Variants in SLC7A1 observed in about 807,000 individuals in gnomAD.
The protein encoded by SLC7A1 is solute carrier family 7 member 1.
Under a neutral mutation model 53.9 loss-of-function variants are expected in SLC7A1, and 10 were observed. The observed-to-expected ratio is 0.19, with a 90% confidence interval of 0.11 to 0.31. The LOEUF (loss-of-function observed/expected upper bound fraction) is 0.31, where lower values mean the gene tolerates loss of function less well. Among genes scored for constraint, SLC7A1 ranks in the 10% least tolerant of loss-of-function variants. The pLI, the probability that SLC7A1 is intolerant of heterozygous loss-of-function variation, is 1.00. For missense variants in SLC7A1, 525 were observed against 827.2 expected (o/e 0.63, Z 4.48); for synonymous variants, 342 against 338.7 (o/e 1.01, Z -0.11).
rs1883407470 is a variant in SLC7A1, at chr13:29,512,015, G to A, written c.*2465C>T. The A allele has an allele frequency of 6.6e-6, 1 of 152,016 alleles. No homozygotes were observed. Among genetic ancestry groups the A allele is most frequent in the Non-Finnish European group, 1.5e-5 (1 of 68,006 alleles). The allele number at this position is 152,016 out of a possible 1,614,324, so 9.4% of individuals were successfully genotyped here. A position where few individuals can be genotyped will look rare whatever the true frequency, so the allele number is the denominator to read the frequency against. ...ATTTTTATTTCAGGGAAAGAAATGA[G>A]GGATATGATAAGAAAAAGTCTATTA... On this transcript the variant is annotated 3_prime_UTR_variant, in exon 13 of 13. Transcript: ENST00000380752.
At chr13:29,531,316 G>T (rs192999973) in intron 4 of SLC7A1, among the ~76,000 whole-genome samples, 1,605 of 149,948 alleles carry the variant, frequency 0.011, 29 homozygotes, top group African/African-American at 0.038. Flanking sequence ...GCAAACTCAC[G>T]TTTTTTTTTT....
At chr13:29,557,257 T>C (rs1216960572) in intron 1 of SLC7A1, among the ~76,000 whole-genome samples, 1 of 152,164 alleles carries the variant, frequency 6.6e-6, no homozygotes, top group African/African-American at 2.4e-5. Flanking sequence ...GTGGGGACTA[T>C]AAAAGTGTGA....
At position 29,553,760 on chromosome 13, in the gene SLC7A1, C is replaced by T. The variant is rs543034369; in HGVS notation, c.-15+1G>A. The T allele has an allele frequency of 4.6e-5, 7 of 152,232 alleles. No homozygotes were observed. Among genetic ancestry groups the T allele is most frequent in the African/African-American group, 1.4e-4 (6 of 41,520 alleles). The allele number at this position is 152,232 out of a possible 1,614,324, so 9.4% of individuals were successfully genotyped here. On this transcript the variant is annotated splice_donor_variant, in intron 2 of 12. Coordinates refer to ENST00000380752, the MANE Select transcript of SLC7A1 (RefSeq NM_003045.5). LOFTEE classifies it low-confidence loss of function (5UTR_SPLICE). ...CTGTCGTGCTGACAGGCAGACTGTA[C>T]CTGGAATATGACGGGAAGCCTCACC...
intron 1 of SLC7A1, among the ~76,000 whole-genome samples, chr13:29,565,640 G>A (rs1010171819): frequency 6.6e-6 from 1 of 152,158 alleles, no homozygotes; most frequent in African/African-American, 2.4e-5. Context: ...ATCCCTTTCT[G>A]CCATCTGCCA....
intron 1 of SLC7A1, among the ~76,000 whole-genome samples, chr13:29,566,612 C>T (rs540605064): frequency 3.3e-4 from 50 of 152,212 alleles, no homozygotes; most frequent in African/African-American, 9.6e-4. Context: ...GGCTTGGCTA[C>T]GGGTGGGGAA....
chr13:29,575,220 C>G (rs1436209217), intron 1 of SLC7A1, among the ~76,000 whole-genome samples: 1 of 152,172 alleles, frequency 6.6e-6, no homozygotes, highest in East Asian at 1.9e-4. Flanking sequence ...TTTAATCAAA[C>G]AAACACCTAA....
chr13:29,513,255 C>A lies in SLC7A1; in HGVS notation c.*1225G>T. On this transcript the variant is annotated 3_prime_UTR_variant, in exon 13 of 13. Transcript: ENST00000380752. ...GTCCGAAGCATCCGGATGACAGATA[C>A]ACAAAAGGGACAGCAATATGCCTAG... 6.6e-6 allele frequency: 1 copy of A among 152,664 alleles called. No individual in the cohort carries two copies. The highest frequency in any genetic ancestry group is 1.9e-4 in the East Asian group (1 of 5,206). 9.5% of individuals were successfully genotyped at this position (152,664 alleles called of 1,614,324 possible).
chr13:29,563,455 C>T (rs1042963620), intron 1 of SLC7A1, among the ~76,000 whole-genome samples: 18 of 152,152 alleles, frequency 1.2e-4, no homozygotes, highest in African/African-American at 3.6e-4. Context: ...TACAGGAAAG[C>T]GAAACTCTGT....
intron 11 of SLC7A1, 179 bp downstream of exon 11, chr13:29,516,965 C>T: frequency 1.9e-6 from 1 of 522,528 alleles, no homozygotes; most frequent in Non-Finnish European, 3.3e-6. Context: ...CTGCTGCCTC[C>T]TTCCAGGGTC....
chr13:29,584,067 T>C (rs1871769824), intron 1 of SLC7A1, among the ~76,000 whole-genome samples: 1 of 152,182 alleles, frequency 6.6e-6, no homozygotes, highest in South Asian at 2.1e-4. Flanking sequence ...GTTCATGAGG[T>C]TTCTTCTCAA....
In SLC7A1 at chr13:29,522,463, G is replaced by A. The variant is rs1312491710; in HGVS notation, c.1050-7C>T. 3 of 1,614,102 alleles carry A rather than the reference G, an allele frequency of 1.9e-6. No homozygotes were observed. Among genetic ancestry groups the A allele is most frequent in the Non-Finnish European group, 8.5e-7 (1 of 1,179,972 alleles). The stretch of plus-strand genomic sequence containing the variant: ...AAACATGGAACCTAGAAGACTAGAT[G>A]GGGAGAGGCAAACCGCGTGAGTGAA... On this transcript the variant is annotated splice_polypyrimidine_tract_variant and splice_region_variant and intron_variant, in intron 7 of 12. Transcript: ENST00000380752.
intron 2 of SLC7A1, among the ~76,000 whole-genome samples, chr13:29,544,417 A>G (rs1869816530): frequency 1.3e-5 from 2 of 152,240 alleles, no homozygotes; most frequent in African/African-American, 4.8e-5. Context: ...AACTAAAAAC[A>G]CCTAACATCC....
intron 2 of SLC7A1, among the ~76,000 whole-genome samples, chr13:29,553,225 G>A (rs1202269430): frequency 6.6e-6 from 1 of 152,198 alleles, no homozygotes; most frequent in Admixed American, 6.5e-5. Flanking sequence ...AAAGTTCTGG[G>A]GCAGGAAGAA....
intron 2 of SLC7A1, among the ~76,000 whole-genome samples, chr13:29,549,525 C>T (rs1409346475): frequency 2.0e-5 from 3 of 152,212 alleles, no homozygotes; most frequent in Non-Finnish European, 4.4e-5. Context: ...CCAGAGCCAG[C>T]CCCTCAATAT....
rs1054493487 is a variant in SLC7A1 at position 29,519,020 on chromosome 13, C to G, written c.1292+427G>C. 8.5e-5 allele frequency among the ~76,000 whole-genome samples: 13 copies of G among 152,334 alleles called. No homozygotes were observed. The South Asian group carries it at 1.4e-3, about 17-fold the overall frequency. ...GGGATTCATTCCTCCAGCCACAGCG[C>G]AACGAAGCTGCAGAAGCATTATGCT... On this transcript the variant is annotated intron_variant, in intron 9 of 12. Transcript: ENST00000380752.
intron 1 of SLC7A1, among the ~76,000 whole-genome samples, chr13:29,555,776 C>T (rs1042827743): frequency 2.6e-5 from 4 of 152,144 alleles, no homozygotes; most frequent in African/African-American, 7.2e-5. Context: ...AACTTGTATT[C>T]GTCACCAAGA....
intron 2 of SLC7A1, among the ~76,000 whole-genome samples, chr13:29,548,549 C>G (rs1435444259): frequency 1.3e-5 from 2 of 152,198 alleles, no homozygotes; most frequent in African/African-American, 4.8e-5. Flanking sequence ...AAGTTTTAAG[C>G]AAAGGAAGAG....
intron 8 of SLC7A1, 89 bp downstream of exon 8, chr13:29,522,228 C>G (rs935379796): frequency 3.0e-6 from 4 of 1,327,548 alleles, no homozygotes; most frequent in Non-Finnish European, 4.3e-6. Flanking sequence ...TAAGATTACT[C>G]ACAGACCAGA....
At chr13:29,577,588 G>C (rs187844903) in intron 1 of SLC7A1, among the ~76,000 whole-genome samples, 75 of 152,308 alleles carry the variant, frequency 4.9e-4, no homozygotes, top group African/African-American at 1.2e-3. Flanking sequence ...TTGTGTCCAC[G>C]CTGGGGCTGC....
Sources: allele counts gnomAD v4.1 joint callset (sites outside exome capture counted in the v4.1 genomes callset), GRCh38; gene constraint gnomAD v4.1.1; transcripts MANE v1.5; gene names NCBI Gene and HGNC (gene_info 2026-07-23, HGNC 2026-07-21).